The following FAM168A variants were observed in gnomAD, a reference collection of about 807,000 sequenced individuals.
FAM168A encodes the protein family with sequence similarity 168 member A.
FAM168A carries 3 observed loss-of-function variants against 28.5 expected under a neutral mutation model. That is an observed-to-expected ratio of 0.11 (90% CI 0.05 to 0.27). The LOEUF is 0.27. FAM168A is among the 10% of genes least tolerant of loss of function. FAM168A has a pLI of 1.00. For missense variants in FAM168A, 222 were observed against 311.5 expected, an observed-to-expected ratio of 0.71 and a Z score of 2.16; for synonymous variants, 122 against 124.2, an observed-to-expected ratio of 0.98 and a Z score of 0.12.
At chr11:73,593,217 G>A (rs1221351559) in intron 1 of FAM168A, among the ~76,000 whole-genome samples, 2 of 152,118 alleles carry the variant, frequency 1.3e-5, no homozygotes, top group East Asian at 1.9e-4. Context: ...AATCAAGTAG[G>A]ACCTCACAAG....
intron 1 of FAM168A, among the ~76,000 whole-genome samples, chr11:73,478,098 T>C (rs1217976462): frequency 6.6e-6 from 1 of 152,124 alleles, no homozygotes. Context: ...GAGTCCAAAG[T>C]AAGGAAGTAT....
intron 1 of FAM168A, among the ~76,000 whole-genome samples, chr11:73,535,512 C>T (rs1486637452): frequency 1.3e-4 from 19 of 151,378 alleles, no homozygotes; most frequent in South Asian, 4.2e-4. Flanking sequence ...CTCCACCTCC[C>T]GGGTTCATGC....
chr11:73,462,415 T>C (rs1867662312), intron 2 of FAM168A, among the ~76,000 whole-genome samples: 1 of 152,002 alleles, frequency 6.6e-6, no homozygotes, highest in Non-Finnish European at 1.5e-5. Context: ...AGATAATAAG[T>C]AGGTTGGTGA....
chr11:73,443,265 A>G (rs1415721966), intron 2 of FAM168A, among the ~76,000 whole-genome samples: 2 of 152,056 alleles, frequency 1.3e-5, no homozygotes, highest in Admixed American at 1.3e-4. Context: ...AGCCAAGTGC[A>G]CAAACTTTGG....
intron 1 of FAM168A, among the ~76,000 whole-genome samples, chr11:73,469,667 T>G (rs1367488444): frequency 6.6e-6 from 1 of 152,100 alleles, no homozygotes; most frequent in African/African-American, 2.4e-5. Flanking sequence ...CCTGGCAAAC[T>G]ACCCCAGGGC....
chr11:73,562,507 A>G (rs957561233), intron 1 of FAM168A, among the ~76,000 whole-genome samples: 3 of 152,312 alleles, frequency 2.0e-5, no homozygotes, highest in South Asian at 2.1e-4. Context: ...TGCTTAATCT[A>G]GAGTCTGAGT....
At chr11:73,550,640 G>GTCA (rs2134691524) in intron 1 of FAM168A, among the ~76,000 whole-genome samples, 1 of 152,166 alleles carries the variant, frequency 6.6e-6, no homozygotes, top group Admixed American at 6.5e-5. Flanking sequence ...GGGTGACAGA[G>GTCA]TCAGACTCTG....
intron 2 of FAM168A, among the ~76,000 whole-genome samples, chr11:73,432,840 G>A (rs1189602092): frequency 1.3e-5 from 2 of 152,122 alleles, no homozygotes; most frequent in East Asian, 3.9e-4. Flanking sequence ...CCGAGATGAC[G>A]CCACTGCACT....
At chr11:73,431,973 T>G (rs892224840) in intron 2 of FAM168A, among the ~76,000 whole-genome samples, 1 of 152,218 alleles carries the variant, frequency 6.6e-6, no homozygotes, top group Non-Finnish European at 1.5e-5. Flanking sequence ...ACTTTCTGTC[T>G]CTCTGAATTT....
Position 73,402,691 on chromosome 11 carries a change from T to C in FAM168A, c.*4072A>G, listed in dbSNP as rs78614673. 0.014 allele frequency: 2,058 copies of C among 152,374 alleles called. 19 individuals carry two copies. Among genetic ancestry groups the C allele is most frequent in the South Asian group, 0.024 (116 of 4,826 alleles). The allele number at this position is 152,374 out of a possible 1,614,324, so 9.4% of individuals were successfully genotyped here. A position where few individuals can be genotyped will look rare whatever the true frequency, so the allele number is the denominator to read the frequency against. On this transcript the variant is annotated 3_prime_UTR_variant, in exon 8 of 8. Coordinates refer to ENST00000356467, the MANE Select transcript of FAM168A (RefSeq NM_015159.3). Reference sequence around the variant, plus strand: ...CAGGTGTGCAGGCTTACCAAGGACATGGGTCTCCCAATAGAAAGATGCCTC... The same window carrying C: ...CAGGTGTGCAGGCTTACCAAGGACACGGGTCTCCCAATAGAAAGATGCCTC...
chr11:73,404,399 T>A lies in FAM168A; in HGVS notation c.*2364A>T, dbSNP rs1260275250. 1 of 152,244 alleles carries A rather than the reference T, an allele frequency of 6.6e-6. No homozygotes were observed. The allele number at this position is 152,244 out of a possible 1,614,324, so 9.4% of individuals were successfully genotyped here. On this transcript the variant is annotated 3_prime_UTR_variant, in exon 8 of 8. Transcript: ENST00000356467. ...AGTACATGAAAGGCCGTGAAGTGCT[T>A]TGACCTCTGTGATGCACCTGACAAA...
At position 73,466,451 on chromosome 11, in the gene FAM168A, C is replaced by T. The variant is rs558961768; in HGVS notation, c.70+1954G>A. On this transcript the variant is annotated intron_variant, in intron 2 of 7. Coordinates refer to ENST00000356467, the MANE Select transcript of FAM168A (RefSeq NM_015159.3). Reference sequence around the variant, plus strand: ...AGTCACATGACCTGAATTAAACTACCATAGTTTTTTTATCTATAAAAACTA... The same window carrying T: ...AGTCACATGACCTGAATTAAACTACTATAGTTTTTTTATCTATAAAAACTA... 2.6e-5 allele frequency among the ~76,000 whole-genome samples: 4 copies of T among 152,224 alleles called. No individual in the cohort carries two copies. In the East Asian group the frequency reaches 7.7e-4, roughly 29 times the overall value.
At chr11:73,425,148 TC>T (rs930639747) in intron 3 of FAM168A, 6 of 749,942 alleles carry the variant, frequency 8.0e-6, no homozygotes, top group Non-Finnish European at 1.0e-5. Flanking sequence ...AATAGCAGTT[TC>T]CCCCCAGCTT....
chr11:73,561,675 T>A (rs1443545416), intron 1 of FAM168A, among the ~76,000 whole-genome samples: 2 of 152,174 alleles, frequency 1.3e-5, no homozygotes, highest in African/African-American at 4.8e-5. Context: ...ACTCTTTTTT[T>A]AAGCATCTGA....
At chr11:73,513,372 G>C (rs1025178306) in intron 1 of FAM168A, among the ~76,000 whole-genome samples, 7 of 141,136 alleles carry the variant, frequency 5.0e-5, no homozygotes, top group African/African-American at 2.1e-4. Context: ...ACCATGCCCA[G>C]CTAATTTTTT....
Position 73,453,114 on chromosome 11 carries a change from C to T in FAM168A, c.70+15291G>A, listed in dbSNP as rs1023422414. Among the ~76,000 whole-genome samples, 3 of 152,222 alleles carry T rather than the reference C, an allele frequency of 2.0e-5. No individual in the cohort carries two copies. In the East Asian group the frequency reaches 5.8e-4, roughly 29 times the overall value. On this transcript the variant is annotated intron_variant, in intron 2 of 7. Coordinates refer to ENST00000356467, the MANE Select transcript of FAM168A (RefSeq NM_015159.3). ...GTGGGCTATTCACTCCTGCATCAAT[C>T]CAGAGATGAATTCATTCTCCTCTGA...
intron 1 of FAM168A, among the ~76,000 whole-genome samples, chr11:73,490,982 G>T (rs1487069350): frequency 6.6e-6 from 1 of 152,092 alleles, no homozygotes. Context: ...TTTGAGAGGT[G>T]CCCCTGTTCT....
At chr11:73,457,181 A>G (rs1384132511) in intron 2 of FAM168A, among the ~76,000 whole-genome samples, 2 of 152,062 alleles carry the variant, frequency 1.3e-5, no homozygotes, top group African/African-American at 2.4e-5. Context: ...CAAAGCCAGA[A>G]GTTTGAGATC....
chr11:73,491,130 G>A (rs1479232950), intron 1 of FAM168A, among the ~76,000 whole-genome samples: 1 of 152,162 alleles, frequency 6.6e-6, no homozygotes, highest in Non-Finnish European at 1.5e-5. Context: ...TCCAGGACCA[G>A]CTGTTGACAA....
Sources: allele counts gnomAD v4.1 joint callset (sites outside exome capture counted in the v4.1 genomes callset), GRCh38; gene constraint gnomAD v4.1.1; transcripts MANE v1.5; gene names NCBI Gene and HGNC (gene_info 2026-07-23, HGNC 2026-07-21).